Variants in CRCP observed in about 807,000 individuals in gnomAD.
CRCP encodes the protein CGRP receptor component.
CRCP carries 18 observed loss-of-function variants against 18.5 expected under a neutral mutation model. The ratio of observed to expected loss-of-function variants is 0.97; its 90% confidence interval spans 0.67 to 1.44. The LOEUF (loss-of-function observed/expected upper bound fraction) is 1.44. Among genes scored for constraint, CRCP ranks in the 40% most tolerant of loss-of-function variants. CRCP has a pLI of 0.00. For missense variants in CRCP, 130 were observed against 176.4 expected, an observed-to-expected ratio of 0.74 and a Z score of 1.49; for synonymous variants, 53 against 62.9, an observed-to-expected ratio of 0.84 and a Z score of 0.75.
intron 1 of CRCP, among the ~76,000 whole-genome samples, chr7:66,115,885 C>T (rs1441330569): frequency 6.6e-6 from 1 of 152,212 alleles, no homozygotes; most frequent in Non-Finnish European, 1.5e-5. Flanking sequence ...ACTGCAGCCT[C>T]ACTTTCTGGA....
chr7:66,119,683 T>G (rs1369279717), intron 1 of CRCP: 2 of 152,218 alleles, frequency 1.3e-5, no homozygotes, highest in Non-Finnish European at 2.9e-5. Context: ...TCTTCTGTAT[T>G]GATTGTTGTC....
chr7:66,138,404 AT>A (rs1788031833), intron 4 of CRCP, among the ~76,000 whole-genome samples: 1 of 151,900 alleles, frequency 6.6e-6, no homozygotes, highest in Admixed American at 6.6e-5. Flanking sequence ...TTAAAAAAAA[AT>A]TTTAATCCGC....
chr7:66,134,333 C>G lies in CRCP; in HGVS notation c.198C>G (p.Val66=). The change falls in exon 4 of 6, where the codon GTC becomes GTG. Residue 66 remains valine (V), a synonymous_variant. Coordinates refer to ENST00000395326, the MANE Select transcript of CRCP (RefSeq NM_014478.5). ...GCAGGCACCAGAGTCCTGAAATTGTCAGAGAATTTCTCACAGCATTGAAAA... is the reference window on the plus strand; with the variant it reads ...GCAGGCACCAGAGTCCTGAAATTGTGAGAGAATTTCTCACAGCATTGAAAA... ...TPCRHQSPEI[V]REFLTALKSH... 6.2e-7 allele frequency: 1 copy of G among 1,608,586 alleles called. No individual in the cohort carries two copies. The highest frequency in any genetic ancestry group is 8.5e-7 in the Non-Finnish European group (1 of 1,178,190).
At chr7:66,127,656 G>A (rs1355413922) in intron 1 of CRCP, 48 bp from the exon 2 acceptor site, 1 of 1,608,074 alleles carries the variant, frequency 6.2e-7, no homozygotes, top group Non-Finnish European at 8.5e-7. Flanking sequence ...TTGATACCCA[G>A]AAAGGGGTGT....
chr7:66,130,373 GGATTACAGGC>G, intron 2 of CRCP: 1 of 182,012 alleles, frequency 5.5e-6, no homozygotes, highest in Non-Finnish European at 1.2e-5. Flanking sequence ...CTAAGTGCTG[GGATTACAGGC>G]GTGAGCCATC....
intron 1 of CRCP, among the ~76,000 whole-genome samples, chr7:66,122,236 G>T (rs1787464338): frequency 6.6e-6 from 1 of 152,010 alleles, no homozygotes; most frequent in Non-Finnish European, 1.5e-5. Flanking sequence ...TTAGCCGGGC[G>T]TGGTGGTGGG....
chr7:66,151,673 C>CTG (rs1223890806), intron 5 of CRCP, among the ~76,000 whole-genome samples: 1,568 of 138,514 alleles, frequency 0.011, 8 homozygotes, highest in East Asian at 0.014. Context: ...CCACTTCTCT[C>CTG]TGTGTGTGTG....
intron 4 of CRCP, among the ~76,000 whole-genome samples, chr7:66,135,248 T>A (rs533106931): frequency 6.6e-6 from 1 of 152,220 alleles, no homozygotes; most frequent in African/African-American, 2.4e-5. Flanking sequence ...ATTATCTAGA[T>A]GAAAATGAGC....
At chr7:66,117,064 T>C (rs1584053122) in intron 1 of CRCP, among the ~76,000 whole-genome samples, 1 of 143,624 alleles carries the variant, frequency 7.0e-6, no homozygotes, top group African/African-American at 2.6e-5. Context: ...GGGGTTGCAG[T>C]GAACCAAATT....
chr7:66,125,369 G>C (rs1787589863), intron 1 of CRCP, among the ~76,000 whole-genome samples: 2 of 149,354 alleles, frequency 1.3e-5, no homozygotes, highest in African/African-American at 4.8e-5. Context: ...ATAAAAGGTA[G>C]ATAAAGTACC....
chr7:66,117,942 C>G (rs748794696), intron 1 of CRCP, among the ~76,000 whole-genome samples: 1 of 152,108 alleles, frequency 6.6e-6, no homozygotes, highest in East Asian at 1.9e-4. Flanking sequence ...GTATACTTTC[C>G]TCCTCGCCCT....
intron 4 of CRCP, among the ~76,000 whole-genome samples, chr7:66,135,310 C>A (rs1034859822): frequency 1.3e-5 from 2 of 152,136 alleles, no homozygotes; most frequent in Non-Finnish European, 1.5e-5. Context: ...CAAAGTAATT[C>A]TTCTCTAATT....
intron 3 of CRCP, among the ~76,000 whole-genome samples, chr7:66,131,853 C>T (rs145218410): frequency 2.0e-5 from 3 of 151,864 alleles, no homozygotes; most frequent in Non-Finnish European, 2.9e-5. Context: ...CCTCTGGCTC[C>T]CGGGTTCAAG....
Position 66,114,865 on chromosome 7 carries a change from C to T in CRCP, c.-98C>T, listed in dbSNP as rs765388332. 8 of 1,599,964 alleles carry T rather than the reference C, an allele frequency of 5.0e-6. No individual in the cohort carries two copies. Among genetic ancestry groups the T allele is most frequent in the South Asian group, 2.2e-5 (2 of 90,690 alleles). ...CGATCCCGGCGAGCACCTTGGCGCG[C>T]GGAGCTGGCACCTTGGCGCTGTTGG... On this transcript the variant is annotated 5_prime_UTR_variant, in exon 1 of 6. Coordinates refer to ENST00000395326, the MANE Select transcript of CRCP (RefSeq NM_014478.5).
chr7:66,142,955 A>G (rs1788182919), intron 4 of CRCP, among the ~76,000 whole-genome samples: 1 of 152,182 alleles, frequency 6.6e-6, no homozygotes, highest in Non-Finnish European at 1.5e-5. Flanking sequence ...TTTAGACCAA[A>G]CTAGACACAC....
chr7:66,145,041 A>T (rs1476659300), intron 4 of CRCP, among the ~76,000 whole-genome samples: 1 of 152,122 alleles, frequency 6.6e-6, no homozygotes, highest in Non-Finnish European at 1.5e-5. Flanking sequence ...CTGTGATCCC[A>T]GTTACTTGGG....
rs1219863490 is a variant in CRCP at position 66,153,217 on chromosome 7, C to T, written c.*860C>T. The T allele has an allele frequency of 6.6e-6, 1 of 152,576 alleles. No homozygotes were observed. The highest frequency in any genetic ancestry group is 1.5e-5 in the Non-Finnish European group (1 of 68,056). The allele number at this position is 152,576 out of a possible 1,614,324, so 9.5% of individuals were successfully genotyped here. On this transcript the variant is annotated 3_prime_UTR_variant, in exon 6 of 6. Coordinates refer to ENST00000395326, the MANE Select transcript of CRCP (RefSeq NM_014478.5). ...CTTTGGGAGGGCAAGGCAGGCGGAT[C>T]ACCTGAGGTCAGGAGTTTGAGACCA...
intron 5 of CRCP, among the ~76,000 whole-genome samples, chr7:66,147,451 G>A (rs1788332508): frequency 6.6e-6 from 1 of 152,160 alleles, no homozygotes; most frequent in South Asian, 2.1e-4. Flanking sequence ...GTCTTGGAAG[G>A]GGGCAAGTGT....
At chr7:66,133,858 C>CTTTTTTTTTTTTTTTTTTTTTTTTT (rs751345422) in intron 3 of CRCP, among the ~76,000 whole-genome samples, 1 of 96,718 alleles carries the variant, frequency 1.0e-5, no homozygotes, top group Non-Finnish European at 2.0e-5. Context: ...TTTTTGTTTT[C>CTTTTTTTTTTTTTTTTTTTTTTTTT]TTTTTTTTTT....
Sources: allele counts gnomAD v4.1 joint callset (sites outside exome capture counted in the v4.1 genomes callset), GRCh38; gene constraint gnomAD v4.1.1; transcripts MANE v1.5; gene names NCBI Gene and HGNC (gene_info 2026-07-23, HGNC 2026-07-21).